Variants in HACE1 observed in about 807,000 individuals in gnomAD.
HACE1 encodes HECT domain and ankyrin repeat containing E3 ubiquitin protein ligase 1, also known as E3 ubiquitin-protein ligase HACE1.
HACE1 carries 73 observed loss-of-function variants against 118.4 expected under a neutral mutation model. That is an observed-to-expected ratio of 0.62 (90% CI 0.51 to 0.75). HACE1 has a LOEUF of 0.75. Among genes scored for constraint, HACE1 ranks in the 30% least tolerant of loss-of-function variants. The probability of loss-of-function intolerance (pLI) is 0.00; values close to 1 mark genes in which losing one functional copy is unlikely to be tolerated. For missense variants in HACE1, 749 were observed against 1,102.2 expected, an observed-to-expected ratio of 0.68 and a Z score of 4.54; for synonymous variants, 368 against 374.8, an observed-to-expected ratio of 0.98 and a Z score of 0.21.
At chr6:104,831,359 C>A (rs917229815) in intron 6 of HACE1, 13 of 151,576 alleles carry the variant, frequency 8.6e-5, no homozygotes, top group African/African-American at 3.2e-4. Context: ...CTGAGGCAGG[C>A]AGATCACTTG....
chr6:104,768,625 G>GA (rs11380593), intron 19 of HACE1, among the ~76,000 whole-genome samples: 54,138 of 151,624 alleles, frequency 0.36, 9,851 homozygotes, highest in African/African-American at 0.43. Context: ...TTTATTGTGA[G>GA]AAATGTTTAT....
intron 7 of HACE1, among the ~76,000 whole-genome samples, chr6:104,804,376 T>C (rs1356814667): frequency 2.0e-5 from 3 of 152,136 alleles, no homozygotes; most frequent in East Asian, 1.9e-4. Context: ...TTAAAGTTCA[T>C]ATGGAACCAA....
intron 20 of HACE1, among the ~76,000 whole-genome samples, chr6:104,746,937 T>G (rs527791809): frequency 1.1e-4 from 16 of 152,312 alleles, no homozygotes; most frequent in Non-Finnish European, 2.2e-4. Flanking sequence ...ATGACTAACA[T>G]TATATTCTCT....
chr6:104,813,556 T>C lies in HACE1; in HGVS notation c.535-2163A>G, dbSNP rs200232203. The stretch of plus-strand genomic sequence containing the variant: ...GAAAATGCTATTGGCAGCTAGTGGG[T>C]AGAGGTCAGGGATGCAGCTAAATAT... On this transcript the variant is annotated intron_variant, in intron 6 of 23. Coordinates refer to ENST00000262903, the MANE Select transcript of HACE1 (RefSeq NM_020771.4). 3.6e-5 allele frequency among the ~76,000 whole-genome samples: 5 copies of C among 137,654 alleles called. 1 individual carries two copies. In the East Asian group the frequency reaches 1.1e-3, roughly 30 times the overall value. The allele number at this position is 137,654 out of a possible 152,430, so 90.3% of individuals were successfully genotyped here.
chr6:104,779,717 C>T (rs1192694828), intron 14 of HACE1, among the ~76,000 whole-genome samples: 2 of 152,106 alleles, frequency 1.3e-5, no homozygotes, highest in African/African-American at 4.8e-5. Flanking sequence ...GAAATCCTCA[C>T]TCTGTGACTT....
chr6:104,831,217 G>C (rs994083171), intron 6 of HACE1: 1 of 152,178 alleles, frequency 6.6e-6, no homozygotes, highest in African/African-American at 2.4e-5. Flanking sequence ...AATTTCAAAA[G>C]CCAAATGTCT....
At position 104,859,709 on chromosome 6, in the gene HACE1, C is replaced by G. The variant is rs1777128670; in HGVS notation, c.-67G>C. On this transcript the variant is annotated 5_prime_UTR_variant, in exon 1 of 24. The change abolishes the stop of an existing upstream ORF in the 5' untranslated region. Coordinates refer to ENST00000262903, the MANE Select transcript of HACE1 (RefSeq NM_020771.4). ...ACCGGCGGCCTCCGCGCCCAGAGCC[C>G]TACATCTCGCCTGGGCCCGTCCAGC... The G allele has an allele frequency of 7.3e-7, 1 of 1,373,952 alleles. No individual in the cohort carries two copies. Among genetic ancestry groups the G allele is most frequent in the Non-Finnish European group, 9.9e-7 (1 of 1,007,136 alleles). The allele number at this position is 1,373,952 out of a possible 1,614,324, so 85.1% of individuals were successfully genotyped here.
At chr6:104,750,101 C>T (rs1777873747) in intron 20 of HACE1, among the ~76,000 whole-genome samples, 1 of 152,080 alleles carries the variant, frequency 6.6e-6, no homozygotes, top group African/African-American at 2.4e-5. Context: ...GAATATATTC[C>T]ATTTTAGTTT....
At chr6:104,763,321 T>C (rs1400711570) in intron 19 of HACE1, among the ~76,000 whole-genome samples, 2 of 152,164 alleles carry the variant, frequency 1.3e-5, no homozygotes, top group African/African-American at 4.8e-5. Context: ...GTATCCCTTA[T>C]CCAAAATGCT....
In HACE1 at chr6:104,800,272, C is replaced by T. The variant is rs139592577; in HGVS notation, c.618-3247G>A. ...AGGCCTACTGCCTCCATAGACTCCACTTCTGTGGGCAGGGCATAGCTGAAA... is the reference window on the plus strand; with the variant it reads ...AGGCCTACTGCCTCCATAGACTCCATTTCTGTGGGCAGGGCATAGCTGAAA... On this transcript the variant is annotated intron_variant, in intron 7 of 23. Coordinates refer to ENST00000262903, the MANE Select transcript of HACE1 (RefSeq NM_020771.4). Among the ~76,000 whole-genome samples, 291 of 152,304 alleles carry T rather than the reference C, an allele frequency of 1.9e-3. 1 individual carries two copies. The highest frequency in any genetic ancestry group is 6.6e-3 in the African/African-American group (274 of 41,572).
At chr6:104,754,116 A>G (rs1778360072) in intron 19 of HACE1, among the ~76,000 whole-genome samples, 1 of 152,208 alleles carries the variant, frequency 6.6e-6, no homozygotes, top group Non-Finnish European at 1.5e-5. Context: ...TGCAATCACA[A>G]GTATCAATAG....
chr6:104,758,102 G>C (rs1778918536), intron 19 of HACE1, among the ~76,000 whole-genome samples: 1 of 152,140 alleles, frequency 6.6e-6, no homozygotes, highest in African/African-American at 2.4e-5. Flanking sequence ...GGGGAGAATG[G>C]AACCAAGTTA....
At chr6:104,859,498 C>G in intron 1 of HACE1, 69 bp downstream of exon 1, 1 of 1,146,974 alleles carries the variant, frequency 8.7e-7, no homozygotes, top group Non-Finnish European at 1.2e-6. Flanking sequence ...GACCTTGACG[C>G]GGCCGGAGCT....
intron 6 of HACE1, among the ~76,000 whole-genome samples, chr6:104,819,711 T>A (rs1772491015): frequency 6.6e-6 from 1 of 151,742 alleles, no homozygotes; most frequent in African/African-American, 2.4e-5. Context: ...TGAAACAGAA[T>A]CTAAAACCCA....
chr6:104,845,131 G>A (rs138099979), intron 4 of HACE1, among the ~76,000 whole-genome samples: 59 of 151,894 alleles, frequency 3.9e-4, no homozygotes, highest in Non-Finnish European at 7.8e-4. Context: ...AGTAATGGTG[G>A]TTTTTGCCAT....
intron 7 of HACE1, among the ~76,000 whole-genome samples, chr6:104,800,954 A>T (rs1352076153): frequency 6.6e-6 from 1 of 152,182 alleles, no homozygotes; most frequent in East Asian, 1.9e-4. Flanking sequence ...ATCACAAGGA[A>T]GCTAAAAACC....
At chr6:104,799,904 G>A (rs1268589745) in intron 7 of HACE1, among the ~76,000 whole-genome samples, 1 of 134,436 alleles carries the variant, frequency 7.4e-6, no homozygotes, top group African/African-American at 3.2e-5. Context: ...GCCCACGGAG[G>A]GTGAGCACCT....
In HACE1 at chr6:104,859,651, C is replaced by T. The variant is rs549759431; in HGVS notation, c.-9G>A. 4 of 1,530,984 alleles carry T rather than the reference C, an allele frequency of 2.6e-6. No homozygotes were observed. The African/African-American group carries it at 4.2e-5, about 16-fold the overall frequency. 94.8% of individuals were successfully genotyped at this position (1,530,984 alleles called of 1,614,324 possible). A position where few individuals can be genotyped will look rare whatever the true frequency, so the allele number is the denominator to read the frequency against. Reference sequence around the variant, plus strand: ...TCCATCGCTCTCTCCATCCTCGGCGCGCCCTCCGCGATCCTCCGCGATCAG... The same window carrying T: ...TCCATCGCTCTCTCCATCCTCGGCGTGCCCTCCGCGATCCTCCGCGATCAG... On this transcript the variant is annotated 5_prime_UTR_variant, in exon 1 of 24. Coordinates refer to ENST00000262903, the MANE Select transcript of HACE1 (RefSeq NM_020771.4).
At chr6:104,817,688 A>T (rs1238727749) in intron 6 of HACE1, among the ~76,000 whole-genome samples, 1 of 152,228 alleles carries the variant, frequency 6.6e-6, no homozygotes, top group Non-Finnish European at 1.5e-5. Context: ...CATATAGATG[A>T]AGAAACGCTG....
Sources: allele counts gnomAD v4.1 joint callset (sites outside exome capture counted in the v4.1 genomes callset), GRCh38; gene constraint gnomAD v4.1.1; transcripts MANE v1.5; gene names NCBI Gene and HGNC (gene_info 2026-07-23, HGNC 2026-07-21).